The following STK26 variants were observed in gnomAD, a reference collection of about 807,000 sequenced individuals.
STK26 encodes serine/threonine kinase 26, also known as serine/threonine-protein kinase 26.
A neutral mutation model predicts 34.7 loss-of-function variants in STK26; 14 were observed. The observed-to-expected ratio is 0.40, with a 90% CI of 0.27 to 0.63. The LOEUF (loss-of-function observed/expected upper bound fraction) is 0.63. Ranked by LOEUF, STK26 falls within the 30% of genes least tolerant of loss-of-function variation. The pLI, the probability that STK26 is intolerant of heterozygous loss-of-function variation, is 0.38. For synonymous variants in STK26, 100 were observed against 109.8 expected, an observed-to-expected ratio of 0.91 and a Z score of 0.56; for missense variants, 226 against 309.1, an observed-to-expected ratio of 0.73 and a Z score of 2.02.
chrX:132,057,643 A>G (rs751162586), intron 3 of STK26, among the ~76,000 whole-genome samples: 6 of 111,224 alleles, frequency 5.4e-5, no homozygotes, highest in South Asian at 7.7e-4. Flanking sequence ...CTTTCCATCT[A>G]TCTGTATCTA....
chrX:132,040,030 G>A (rs769900108), intron 2 of STK26, among the ~76,000 whole-genome samples: 1 of 112,113 alleles, frequency 8.9e-6, no homozygotes, highest in Non-Finnish European at 1.9e-5. Context: ...TAGGGTAGCA[G>A]TGGTCAAACT....
rs556871236 is a variant in STK26 at position 132,072,196 on chromosome X, G to C, written c.933-72G>C. 1.0e-4 allele frequency: 79 copies of C among 792,606 alleles called. No homozygotes were observed. In the Admixed American group the frequency reaches 1.8e-3, roughly 18 times the overall value. The allele number at this position is 792,606 out of a possible 1,213,427, so 65.3% of individuals were successfully genotyped here. On this transcript the variant is annotated intron_variant, in intron 8 of 11. Coordinates refer to ENST00000394334, the MANE Select transcript of STK26 (RefSeq NM_016542.4). ...ACAATTATCCCTTTAGATTCTACCTGCATTGATTTGGTATTTTTGCCAAGC... is the reference window on the plus strand; with the variant it reads ...ACAATTATCCCTTTAGATTCTACCTCCATTGATTTGGTATTTTTGCCAAGC...
intron 2 of STK26, among the ~76,000 whole-genome samples, chrX:132,037,504 A>G (rs939543510): frequency 2.1e-4 from 23 of 111,848 alleles, no homozygotes; most frequent in African/African-American, 7.5e-4. Flanking sequence ...TTCCTGTAGA[A>G]TAGTTTTACA....
At chrX:132,047,248 A>G (rs1926528698) in intron 2 of STK26, among the ~76,000 whole-genome samples, 1 of 112,066 alleles carries the variant, frequency 8.9e-6, no homozygotes, top group South Asian at 3.6e-4. Flanking sequence ...AAGTTGTGCA[A>G]AGTAAAAAAT....
intron 5 of STK26, 34 bp downstream of exon 5, chrX:132,068,357 T>C (rs763509124): frequency 1.8e-5 from 22 of 1,195,544 alleles, no homozygotes; most frequent in Non-Finnish European, 2.4e-5. Context: ...CTGAGAAAAA[T>C]AGAAGCATTC....
intron 2 of STK26, 100 bp downstream of exon 2, chrX:132,023,759 C>T (rs1935037286): frequency 9.9e-7 from 1 of 1,005,880 alleles, no homozygotes; most frequent in Non-Finnish European, 1.3e-6. Context: ...CCCCAGGGCT[C>T]CCCTGAGGGC....
intron 11 of STK26, 138 bp downstream of exon 11, chrX:132,073,231 A>C (rs1408076791): frequency 3.0e-5 from 20 of 658,567 alleles, no homozygotes; most frequent in Non-Finnish European, 3.8e-5. Flanking sequence ...TTGTATACTT[A>C]AAAATAGTTT....
intron 3 of STK26, among the ~76,000 whole-genome samples, chrX:132,058,032 C>T (rs1482527742): frequency 8.9e-6 from 1 of 112,074 alleles, no homozygotes; most frequent in African/African-American, 3.2e-5. Context: ...TCAGCATTTA[C>T]ATCTAAGTGT....
intron 2 of STK26, among the ~76,000 whole-genome samples, chrX:132,024,027 A>G (rs1935043722): frequency 9.0e-6 from 1 of 111,027 alleles, no homozygotes; most frequent in Non-Finnish European, 1.9e-5. Flanking sequence ...GTGGGGTATA[A>G]CGCGAGTAGT....
intron 11 of STK26, 56 bp downstream of exon 11, chrX:132,073,149 T>G (rs895120418): frequency 1.6e-5 from 17 of 1,095,016 alleles, no homozygotes; most frequent in Non-Finnish European, 2.1e-5. Flanking sequence ...GTATGTTAAT[T>G]TATGATGCAA....
At chrX:132,070,995 A>C (rs1927394654) in intron 7 of STK26, 74 bp from the exon 8 acceptor site, 1 of 1,045,302 alleles carries the variant, frequency 9.6e-7, no homozygotes, top group Admixed American at 2.9e-5. Context: ...AATTCAAATG[A>C]TTTTTTTTAC....
chrX:132,049,037 G>C (rs946405706), intron 2 of STK26, among the ~76,000 whole-genome samples: 4 of 112,068 alleles, frequency 3.6e-5, no homozygotes, highest in Admixed American at 2.8e-4. Context: ...GGAGTGCAGT[G>C]GTGTGATCAT....
chrX:132,074,249 A>C lies in STK26; in HGVS notation c.*90A>C. 1.2e-5 allele frequency: 11 copies of C among 929,200 alleles called. No homozygotes were observed. Among genetic ancestry groups the C allele is most frequent in the Non-Finnish European group, 1.6e-5 (11 of 672,124 alleles). 76.6% of individuals were successfully genotyped at this position (929,200 alleles called of 1,213,427 possible). ...TAACAATGCTTAACCCATGAGCTCC[A>C]TGTGCCTTTTGGATCTTTGCAACAC... On this transcript the variant is annotated 3_prime_UTR_variant, in exon 12 of 12. Coordinates refer to ENST00000394334, the MANE Select transcript of STK26 (RefSeq NM_016542.4).
At chrX:132,062,211 A>G (rs925453718) in intron 3 of STK26, among the ~76,000 whole-genome samples, 2 of 112,218 alleles carry the variant, frequency 1.8e-5, no homozygotes, top group African/African-American at 6.5e-5. Flanking sequence ...AGTAAAGCCA[A>G]CCATTCTACT....
At chrX:132,071,346 G>T in intron 8 of STK26, 129 bp downstream of exon 8, 1 of 780,612 alleles carries the variant, frequency 1.3e-6, no homozygotes, top group East Asian at 3.4e-5. Flanking sequence ...CTTAGAAACT[G>T]TAAAAATCTT....
chrX:132,034,903 G>A (rs1336218884), intron 2 of STK26, among the ~76,000 whole-genome samples: 1 of 110,645 alleles, frequency 9.0e-6, no homozygotes, highest in African/African-American at 3.3e-5. Flanking sequence ...CGGTGAATTT[G>A]CATTTCTCAT....
intron 3 of STK26, among the ~76,000 whole-genome samples, chrX:132,062,051 C>T (rs1368773375): frequency 3.6e-5 from 4 of 112,334 alleles, no homozygotes; most frequent in Non-Finnish European, 7.5e-5. Context: ...CGAATGAATA[C>T]ATTTGTGTGA....
At chrX:132,048,978 G>GT (rs1926594288) in intron 2 of STK26, among the ~76,000 whole-genome samples, 1 of 111,106 alleles carries the variant, frequency 9.0e-6, no homozygotes, top group Non-Finnish European at 1.9e-5. Flanking sequence ...TTGTTTGTTT[G>GT]TTTGTTTTGT....
intron 2 of STK26, among the ~76,000 whole-genome samples, chrX:132,032,015 T>C (rs1049637160): frequency 1.8e-5 from 2 of 111,214 alleles, no homozygotes; most frequent in African/African-American, 6.5e-5. Context: ...AACCTATATA[T>C]GGAACATATC....
Sources: allele counts gnomAD v4.1 joint callset (sites outside exome capture counted in the v4.1 genomes callset), GRCh38; gene constraint gnomAD v4.1.1; transcripts MANE v1.5; gene names NCBI Gene and HGNC (gene_info 2026-07-23, HGNC 2026-07-21).